Variants in ADAMTSL3 observed in about 807,000 individuals in gnomAD.
ADAMTSL3 encodes the protein ADAMTS like 3, also known as ADAMTS-like protein 3.
ADAMTSL3 carries 128 observed loss-of-function variants against 201.7 expected under a neutral mutation model. The observed-to-expected ratio is 0.63, with a 90% CI of 0.55 to 0.73. The LOEUF is 0.73. ADAMTSL3 is among the 30% of genes least tolerant of loss of function. The pLI is 0.00. For synonymous variants in ADAMTSL3, 738 were observed against 748.4 expected, an observed-to-expected ratio of 0.99 and a Z score of 0.23; for missense variants, 1,990 against 2,119.6, an observed-to-expected ratio of 0.94 and a Z score of 1.20.
chr15:83,837,883 A>G (rs1596298850), intron 6 of ADAMTSL3, among the ~76,000 whole-genome samples: 2 of 142,456 alleles, frequency 1.4e-5, no homozygotes, highest in Admixed American at 1.3e-4. Flanking sequence ...AAATCTTAAT[A>G]TTAATATTTC....
intron 20 of ADAMTSL3, among the ~76,000 whole-genome samples, chr15:83,975,162 C>T (rs374031192): frequency 2.1e-4 from 32 of 151,970 alleles, no homozygotes; most frequent in African/African-American, 2.9e-4. Flanking sequence ...CTACCATGCC[C>T]GGCTAATTTT....
intron 2 of ADAMTSL3, among the ~76,000 whole-genome samples, chr15:83,687,722 T>G (rs1436708618): frequency 6.6e-6 from 1 of 152,136 alleles, no homozygotes; most frequent in Non-Finnish European, 1.5e-5. Flanking sequence ...TGAAAGAATA[T>G]GAAAGCAGCA....
chr15:83,783,588 T>G (rs2063211812), intron 4 of ADAMTSL3, among the ~76,000 whole-genome samples: 1 of 151,974 alleles, frequency 6.6e-6, no homozygotes, highest in African/African-American at 2.4e-5. Context: ...AAAAGAAAAT[T>G]GGTATACCTA....
chr15:83,718,767 A>G (rs2062055096), intron 3 of ADAMTSL3, among the ~76,000 whole-genome samples: 1 of 152,164 alleles, frequency 6.6e-6, no homozygotes, highest in African/African-American at 2.4e-5. Context: ...AAGCATGTCA[A>G]CTATGTTTAT....
At chr15:83,876,221 GT>G (rs2065174770) in intron 9 of ADAMTSL3, among the ~76,000 whole-genome samples, 1 of 151,840 alleles carries the variant, frequency 6.6e-6, no homozygotes, top group East Asian at 1.9e-4. Context: ...TCCTAAACTC[GT>G]TTATTGGTTC....
intron 23 of ADAMTSL3, among the ~76,000 whole-genome samples, chr15:84,004,336 C>T (rs1259192917): frequency 1.3e-5 from 2 of 152,116 alleles, no homozygotes; most frequent in African/African-American, 2.4e-5. Context: ...TTTAAAGCTT[C>T]GCCAGAAGAT....
chr15:83,881,324 C>G (rs1255234499), intron 9 of ADAMTSL3, among the ~76,000 whole-genome samples: 1 of 152,180 alleles, frequency 6.6e-6, no homozygotes, highest in African/African-American at 2.4e-5. Flanking sequence ...CACCTGACAC[C>G]TTGGAAGGCC....
chr15:83,677,464 G>A (rs943487397), intron 2 of ADAMTSL3, among the ~76,000 whole-genome samples: 2 of 151,466 alleles, frequency 1.3e-5, no homozygotes, highest in African/African-American at 4.9e-5. Flanking sequence ...GTTGTTTGGT[G>A]CATACACATT....
intron 20 of ADAMTSL3, among the ~76,000 whole-genome samples, chr15:83,974,555 G>A (rs1204111646): frequency 3.9e-5 from 6 of 152,166 alleles, no homozygotes; most frequent in Admixed American, 3.9e-4. Context: ...CTTGTATGGG[G>A]TAGGTACACA....
chr15:83,658,529 C>T lies in ADAMTSL3; in HGVS notation c.69+2699C>T, dbSNP rs560617648. 4.5e-4 allele frequency among the ~76,000 whole-genome samples: 68 copies of T among 152,328 alleles called. No individual in the cohort carries two copies. The South Asian group carries it at 8.9e-3, about 20-fold the overall frequency. ...CTGGTAGTTCCTTGTTTTTGTAACT[C>T]GTTCTTGACCATTCCTCGAGGAGCT... is the stretch of plus-strand genomic sequence containing the variant. On this transcript the variant is annotated intron_variant, in intron 2 of 29. Coordinates refer to ENST00000286744, the MANE Select transcript of ADAMTSL3 (RefSeq NM_207517.3).
chr15:83,978,014 C>T (rs1395282041), intron 20 of ADAMTSL3, among the ~76,000 whole-genome samples: 1 of 152,214 alleles, frequency 6.6e-6, no homozygotes, highest in Non-Finnish European at 1.5e-5. Flanking sequence ...GGAGTGGAAA[C>T]CAGCACCAGC....
chr15:83,748,333 A>G (rs2141662520), intron 3 of ADAMTSL3, among the ~76,000 whole-genome samples: 1 of 152,234 alleles, frequency 6.6e-6, no homozygotes, highest in East Asian at 1.9e-4. Flanking sequence ...TAGCAATGTC[A>G]TGATGCTAGT....
intron 2 of ADAMTSL3, among the ~76,000 whole-genome samples, chr15:83,697,185 C>G (rs1596044808): frequency 6.6e-6 from 1 of 152,030 alleles, no homozygotes. Flanking sequence ...CTAGGAATAC[C>G]CTCTTCTCCC....
At chr15:83,952,392 A>G (rs772613924) in intron 19 of ADAMTSL3, among the ~76,000 whole-genome samples, 1 of 152,172 alleles carries the variant, frequency 6.6e-6, no homozygotes, top group Non-Finnish European at 1.5e-5. Context: ...GTTTTTGAGA[A>G]TAATCCATGT....
chr15:83,808,906 C>T (rs1242263571), intron 5 of ADAMTSL3, among the ~76,000 whole-genome samples: 11 of 135,664 alleles, frequency 8.1e-5, no homozygotes, highest in South Asian at 5.3e-4. Context: ...CTCATTCATA[C>T]GTGGAATCCA....
intron 23 of ADAMTSL3, among the ~76,000 whole-genome samples, chr15:83,997,528 G>A (rs111651339): frequency 0.014 from 2,108 of 152,294 alleles, 48 homozygotes; most frequent in African/African-American, 0.047. Flanking sequence ...GGCAGAGGCT[G>A]CAGTGAGCTG....
In ADAMTSL3 at chr15:84,037,718, C is replaced by A; in HGVS notation, c.4988C>A (p.Thr1663Asn). Residue 1663 changes from threonine to asparagine, a missense_variant, in exon 30 of 30, where the codon ACT becomes AAT. Thr to Asn is a moderately conservative substitution (Grantham distance 65). Transcript: ENST00000286744. ...TTTGCAGGAGACTGCACAGACACAA[C>A]TCACTACTGTATGTTTGTAAAACAT... ...PSCDRDCTDT[T>N]HYCMFVKHLN... The A allele has an allele frequency of 6.2e-7, 1 of 1,610,212 alleles. No individual in the cohort carries two copies. Among genetic ancestry groups the A allele is most frequent in the Non-Finnish European group, 8.5e-7 (1 of 1,178,858 alleles).
intron 15 of ADAMTSL3, among the ~76,000 whole-genome samples, chr15:83,902,680 T>C (rs1213387919): frequency 6.6e-6 from 1 of 152,188 alleles, no homozygotes; most frequent in Non-Finnish European, 1.5e-5. Context: ...TTACCTTTCC[T>C]GGTCCCCAGC....
At chr15:83,942,876 C>A in intron 18 of ADAMTSL3, 27 bp from the exon 19 acceptor site, 1 of 1,606,660 alleles carries the variant, frequency 6.2e-7, no homozygotes, top group Non-Finnish European at 8.5e-7. Flanking sequence ...GCCAAGCCTG[C>A]CGCCTCACCC....
Sources: gnomAD v4.1 joint callset for allele counts (sites outside exome capture counted in the v4.1 genomes callset) on GRCh38, gnomAD v4.1.1 for gene constraint, MANE v1.5 for transcripts, NCBI Gene and HGNC (gene_info 2026-07-23, HGNC 2026-07-21) for gene names.